FRY: variants seen among roughly 807,000 people sequenced by gnomAD.
FRY encodes FRY microtubule binding protein.
Under a neutral mutation model 348.4 loss-of-function variants are expected in FRY, and 128 were observed. That is an observed-to-expected ratio of 0.37 (90% CI 0.32 to 0.43). The LOEUF (loss-of-function observed/expected upper bound fraction) is 0.43. Ranked by LOEUF, FRY falls within the 20% of genes least tolerant of loss-of-function variation. FRY has a pLI of 1.00. For synonymous variants in FRY, 1,370 were observed against 1,374.7 expected (o/e 1.00, Z 0.08); for missense variants, 2,736 against 3,695.2 (o/e 0.74, Z 6.73).
At chr13:32,229,190 G>GA (rs1234720558) in intron 40 of FRY, among the ~76,000 whole-genome samples, 1 of 152,164 alleles carries the variant, frequency 6.6e-6, no homozygotes, top group African/African-American at 2.4e-5. Flanking sequence ...TCAAAACCAA[G>GA]AAAAACTGCA....
At chr13:32,274,091 A>G (rs1888359563) in intron 55 of FRY, among the ~76,000 whole-genome samples, 1 of 152,222 alleles carries the variant, frequency 6.6e-6, no homozygotes, top group Non-Finnish European at 1.5e-5. Context: ...CGCATTGGGA[A>G]ATGGTATTTC....
chr13:32,158,842 C>T (rs940711344), intron 16 of FRY, among the ~76,000 whole-genome samples: 6 of 150,300 alleles, frequency 4.0e-5, no homozygotes, highest in Non-Finnish European at 7.4e-5. Flanking sequence ...TGCTTGAACC[C>T]GGGAGGCAGA....
At chr13:32,079,267 A>G (rs1875317744) in intron 2 of FRY, among the ~76,000 whole-genome samples, 1 of 152,192 alleles carries the variant, frequency 6.6e-6, no homozygotes, top group Non-Finnish European at 1.5e-5. Context: ...AGCATGCTTC[A>G]CTGCTGCATT....
chr13:32,080,966 A>G (rs1213883242), intron 2 of FRY, among the ~76,000 whole-genome samples: 1 of 152,202 alleles, frequency 6.6e-6, no homozygotes, highest in African/African-American at 2.4e-5. Context: ...TGTTTCCAAA[A>G]TAATAGTTTA....
chr13:32,271,930 G>T (rs914831183), intron 55 of FRY, among the ~76,000 whole-genome samples: 1 of 152,134 alleles, frequency 6.6e-6, no homozygotes, highest in Admixed American at 6.5e-5. Context: ...GCCCTGGGGG[G>T]ACTCATTTGG....
intron 1 of FRY, among the ~76,000 whole-genome samples, chr13:32,058,251 G>T (rs535530944): frequency 1.3e-5 from 2 of 152,122 alleles, no homozygotes. Context: ...AATCATGAAG[G>T]TTAGCCCTGG....
chr13:32,245,026 T>G (rs1039647054), intron 47 of FRY, among the ~76,000 whole-genome samples: 1 of 152,098 alleles, frequency 6.6e-6, no homozygotes, highest in Non-Finnish European at 1.5e-5. Context: ...CTCGGCTCAC[T>G]GCAACCTCCA....
At chr13:32,267,723 T>C (rs1388574752) in intron 55 of FRY, among the ~76,000 whole-genome samples, 1 of 152,176 alleles carries the variant, frequency 6.6e-6, no homozygotes, top group African/African-American at 2.4e-5. Flanking sequence ...ATTTTTATCT[T>C]TCCTTTCCTT....
intron 14 of FRY, 89 bp downstream of exon 14, chr13:32,149,923 A>G: frequency 1.3e-6 from 1 of 788,612 alleles, no homozygotes; most frequent in South Asian, 1.4e-5. Context: ...GGGATGAGGG[A>G]TGTCTTCTCA....
In FRY at chr13:32,100,833, G is replaced by A. The variant is rs146999085; in HGVS notation, c.271-1130G>A. 1.5e-3 allele frequency among the ~76,000 whole-genome samples: 229 copies of A among 152,188 alleles called. 5 individuals carry two copies. The highest frequency in any genetic ancestry group is 3.1e-3 in the East Asian group (16 of 5,178). ...CTTTCTTTATAGATGGTGCCTTCCC[G>A]CTGCATCTTCACATGGCAGAAGGGG... On this transcript the variant is annotated intron_variant, in intron 2 of 60. Transcript: ENST00000542859.
At chr13:32,218,659 C>CA (rs1885135380) in intron 35 of FRY, 90 bp from the exon 36 acceptor site, 2 of 691,440 alleles carry the variant, frequency 2.9e-6, no homozygotes, top group Non-Finnish European at 4.9e-6. Flanking sequence ...AGCCTGGTGA[C>CA]AGAGTGAGAC....
chr13:32,133,701 C>A (rs979144777), intron 8 of FRY, among the ~76,000 whole-genome samples: 1 of 151,416 alleles, frequency 6.6e-6, no homozygotes, highest in Admixed American at 6.6e-5. Context: ...AGGGAAATAG[C>A]CAGTGTAGAT....
In FRY at chr13:32,274,870, C is replaced by T. The variant is rs774995234; in HGVS notation, c.8165C>T (p.Thr2722Ile). Residue 2722 changes from threonine (T) to isoleucine (I), a missense_variant, in exon 56 of 61, where the codon ACC becomes ATC. Thr to Ile is a moderately conservative substitution (Grantham distance 89). Coordinates refer to ENST00000542859, the MANE Select transcript of FRY (RefSeq NM_023037.3). ...ATTCAGAAAAGGTTCTGCTTCCTAA[C>T]CTGTGATGCAGCCAGTTACCTTGGA... ...KNIQKRFCFL[T>I]CDAASYLGDN... 3.1e-6 allele frequency: 5 copies of T among 1,613,364 alleles called. No individual in the cohort carries two copies. In the African/African-American group the frequency reaches 5.3e-5, roughly 17 times the overall value.
intron 17 of FRY, among the ~76,000 whole-genome samples, chr13:32,166,097 G>T (rs200951568): frequency 1.2e-5 from 1 of 85,336 alleles, no homozygotes; most frequent in Non-Finnish European, 2.4e-5. Flanking sequence ...GATCCCAGCT[G>T]CCTGGGAGGG....
chr13:32,111,529 T>C (rs1877962622), intron 3 of FRY, among the ~76,000 whole-genome samples: 1 of 150,956 alleles, frequency 6.6e-6, no homozygotes, highest in African/African-American at 2.4e-5. Context: ...AAGAAGAGAG[T>C]TGGCAGTGAA....
At chr13:32,210,766 C>G in intron 33 of FRY, 100 bp from the exon 34 acceptor site, 1 of 940,130 alleles carries the variant, frequency 1.1e-6, no homozygotes, top group Non-Finnish European at 1.7e-6. Flanking sequence ...GTGACAGCTC[C>G]TGCATGATGA....
intron 36 of FRY, among the ~76,000 whole-genome samples, chr13:32,219,738 G>A (rs1278172481): frequency 6.6e-6 from 1 of 152,104 alleles, no homozygotes; most frequent in Non-Finnish European, 1.5e-5. Context: ...TAGCCTGGGC[G>A]AAAACAAATG....
intron 52 of FRY, among the ~76,000 whole-genome samples, 184 bp downstream of exon 52, chr13:32,262,000 A>G (rs1407405881): frequency 6.6e-6 from 1 of 152,210 alleles, no homozygotes; most frequent in African/African-American, 2.4e-5. Flanking sequence ...AGATGGAAAC[A>G]AAGACTGGGG....
At chr13:32,224,458 CT>C in intron 37 of FRY, 73 bp downstream of exon 37, 1 of 1,379,410 alleles carries the variant, frequency 7.2e-7, no homozygotes, top group Non-Finnish European at 1.0e-6. Flanking sequence ...AGAGAAAAAC[CT>C]AGTCCAGGTC....
Sources: gnomAD v4.1 joint callset for allele counts (sites outside exome capture counted in the v4.1 genomes callset) on GRCh38, gnomAD v4.1.1 for gene constraint, MANE v1.5 for transcripts, NCBI Gene and HGNC (gene_info 2026-07-23, HGNC 2026-07-21) for gene names.